The following CCDC33 variants were observed in gnomAD, a reference collection of about 807,000 sequenced individuals.
CCDC33 encodes coiled-coil domain containing 33, also known as coiled-coil domain-containing protein 33.
In CCDC33, 94 loss-of-function variants were observed where a neutral mutation model predicts 91.9. The observed-to-expected ratio is 1.02, with a 90% CI of 0.87 to 1.21. The LOEUF (loss-of-function observed/expected upper bound fraction) is 1.21, where lower values mean the gene tolerates loss of function less well. Ranked by LOEUF, CCDC33 falls within the 50% of genes most tolerant of loss-of-function variation. The pLI is 0.00. For missense variants in CCDC33, 940 were observed against 935.5 expected, an observed-to-expected ratio of 1.00 and a Z score of -0.06; for synonymous variants, 396 against 374.5, an observed-to-expected ratio of 1.06 and a Z score of -0.66.
chr15:74,280,214 C>A (rs1276992237), intron 8 of CCDC33, 122 bp downstream of exon 8: 5 of 1,236,330 alleles, frequency 4.0e-6, no homozygotes, highest in Non-Finnish European at 5.6e-6. Flanking sequence ...GGTGTCCAGG[C>A]GGCTTCCTAA....
intron 2 of CCDC33, among the ~76,000 whole-genome samples, chr15:74,257,341 G>A (rs931916214): frequency 1.3e-5 from 2 of 152,206 alleles, no homozygotes; most frequent in Non-Finnish European, 2.9e-5. Context: ...CACAGACTGG[G>A]GGCCTTGTCA....
intron 2 of CCDC33, among the ~76,000 whole-genome samples, chr15:74,246,091 T>C (rs2075520719): frequency 6.6e-6 from 1 of 152,162 alleles, no homozygotes; most frequent in South Asian, 2.1e-4. Context: ...AATAAACAAG[T>C]AACAAAGCAC....
chr15:74,273,319 A>ACCTG (rs2076370429), intron 7 of CCDC33, among the ~76,000 whole-genome samples: 1 of 152,232 alleles, frequency 6.6e-6, no homozygotes, highest in Non-Finnish European at 1.5e-5. Flanking sequence ...ATAAGTACCT[A>ACCTG]GTTTCCGTTT....
At chr15:74,203,382 A>C (rs1416496351) in intron 1 of CCDC33, among the ~76,000 whole-genome samples, 1 of 152,130 alleles carries the variant, frequency 6.6e-6, no homozygotes, top group Non-Finnish European at 1.5e-5. Flanking sequence ...GCCAGGGAGG[A>C]GGGCTCCTCC....
At position 74,280,809 on chromosome 15, in the gene CCDC33, C is replaced by T; in HGVS notation, c.1023+8C>T. 1.3e-6 allele frequency: 2 copies of T among 1,499,518 alleles called. No homozygotes were observed. The highest frequency in any genetic ancestry group is 2.2e-5 in the Admixed American group (1 of 45,316). 92.9% of individuals were successfully genotyped at this position (1,499,518 alleles called of 1,614,324 possible). A position where few individuals can be genotyped will look rare whatever the true frequency, so the allele number is the denominator to read the frequency against. ...GAGCGGCTCCCCATCATGGTGAGCC[C>T]CCTGCCCTGAACTGGGCCCCTAGCG... On this transcript the variant is annotated splice_region_variant and intron_variant, in intron 9 of 18. Transcript: ENST00000398814.
chr15:74,232,966 C>T (rs945516907), upstream of CCDC33, among the ~76,000 whole-genome samples: 9 of 152,226 alleles, frequency 5.9e-5, no homozygotes, highest in African/African-American at 1.9e-4. Flanking sequence ...CACTTGCCCT[C>T]TTCTCTATCC....
At chr15:74,229,114 T>C (rs2074892144) in intron 2 of CCDC33, among the ~76,000 whole-genome samples, 1 of 152,082 alleles carries the variant, frequency 6.6e-6, no homozygotes, top group African/African-American at 2.4e-5. Context: ...AGCACCTCAG[T>C]AAGGAGAGTG....
intron 2 of CCDC33, among the ~76,000 whole-genome samples, chr15:74,223,895 C>A (rs2142165400): frequency 6.6e-6 from 1 of 151,894 alleles, no homozygotes; most frequent in South Asian, 2.1e-4. Context: ...TAAACACGAT[C>A]ATGGGGGCTC....
At chr15:74,306,962 G>A (rs759771005) in intron 11 of CCDC33, among the ~76,000 whole-genome samples, 38 of 152,194 alleles carry the variant, frequency 2.5e-4, no homozygotes, top group Admixed American at 3.9e-4. Flanking sequence ...GGAGTGAGGA[G>A]CCTGGTCTTG....
intron 2 of CCDC33, chr15:74,221,216 G>GTTTTT (rs56039521): frequency 5.4e-4 from 363 of 676,214 alleles, no homozygotes; most frequent in South Asian, 8.1e-4. Context: ...TGTGGCACTG[G>GTTTTT]TTTTTTTTTT....
In CCDC33 at chr15:74,281,855, G is replaced by A. The variant is rs878961171; in HGVS notation, c.1095+6G>A. On this transcript the variant is annotated splice_donor_region_variant and intron_variant, in intron 10 of 18. Coordinates refer to ENST00000398814, the MANE Select transcript of CCDC33 (RefSeq NM_025055.5). ...TCCAGCTGCTTTCCTCTGAGGTAAGGCTGTGGGCCAGGGGAGGGTCAGGGC... is the reference window on the plus strand; with the variant it reads ...TCCAGCTGCTTTCCTCTGAGGTAAGACTGTGGGCCAGGGGAGGGTCAGGGC... 2.5e-6 allele frequency: 4 copies of A among 1,613,452 alleles called. No homozygotes were observed. Among genetic ancestry groups the A allele is most frequent in the East Asian group, 2.2e-5 (1 of 44,880 alleles).
chr15:74,335,978 G>C lies in CCDC33; in HGVS notation c.2193G>C (p.Leu731=). Residue 731 remains leucine (L), a synonymous_variant, in exon 19 of 19, where the codon CTG becomes CTC. Transcript: ENST00000398814. The part of the protein sequence containing the change: ...DLKQPSELEP[L]LPSSDSKLNK... ...AGCAGCCCTCAGAGCTGGAGCCCCT[G>C]CTGCCCAGCTCAGACTCTAAGCTCA... 6.2e-7 allele frequency: 1 copy of C among 1,613,940 alleles called. No individual in the cohort carries two copies. Among genetic ancestry groups the C allele is most frequent in the African/African-American group, 1.3e-5 (1 of 75,030 alleles).
intron 11 of CCDC33, among the ~76,000 whole-genome samples, chr15:74,321,652 C>G (rs961218003): frequency 2.0e-5 from 3 of 152,026 alleles, no homozygotes; most frequent in Admixed American, 1.3e-4. Context: ...CCGCCCCCCT[C>G]GGCTCCCAAA....
intron 11 of CCDC33, among the ~76,000 whole-genome samples, chr15:74,318,144 G>A (rs1187815880): frequency 1.3e-4 from 20 of 151,432 alleles, no homozygotes; most frequent in African/African-American, 4.8e-4. Context: ...GAGACTAAGG[G>A]GGAGGGGGAG....
chr15:74,298,857 C>T (rs1256837585), intron 11 of CCDC33, among the ~76,000 whole-genome samples: 1 of 151,946 alleles, frequency 6.6e-6, no homozygotes, highest in Non-Finnish European at 1.5e-5. Flanking sequence ...GGATTACAGG[C>T]GGGCGCCACC....
In CCDC33 at chr15:74,218,190, G is replaced by A. The variant is rs541480358; in HGVS notation, c.311-307G>A. On this transcript the variant is annotated intron_variant, in intron 1 of 2. Transcript: ENST00000635913. This position sits in a 1 kb window ranked among gnomAD's most constrained non-coding sequence, Gnocchi z 4.8. ...GACTTTAAATGGCTATAAATCAGGG[G>A]CAGGCTGAACTCTTCCCCAGTCTAG... Among the ~76,000 whole-genome samples the A allele has an allele frequency of 2.6e-5, 4 of 152,334 alleles. No homozygotes were observed. The East Asian group carries it at 7.7e-4, about 29-fold the overall frequency.
chr15:74,297,594 T>TA (rs1596060604), intron 11 of CCDC33, among the ~76,000 whole-genome samples: 1 of 152,322 alleles, frequency 6.6e-6, no homozygotes, highest in East Asian at 1.9e-4. Flanking sequence ...CTCAGGAACC[T>TA]GAGGCAGGAG....
Position 74,335,098 on chromosome 15 carries a change from C to T in CCDC33, c.2139+10C>T. 2 of 1,597,798 alleles carry T rather than the reference C, an allele frequency of 1.3e-6. No individual in the cohort carries two copies. Among genetic ancestry groups the T allele is most frequent in the Non-Finnish European group, 8.6e-7 (1 of 1,165,110 alleles). On this transcript the variant is annotated intron_variant, in intron 18 of 18. Transcript: ENST00000398814. Reference sequence around the variant, plus strand: ...CATCATAGAACAGCCTGTGAGTGACCCCCCTGGAGTAGCTCCCAGGGGTTC... The same window carrying T: ...CATCATAGAACAGCCTGTGAGTGACTCCCCTGGAGTAGCTCCCAGGGGTTC...
At chr15:74,210,825 TTGTGTTCTCAAAAAGAGA>T (rs1356396433) in intron 2 of CCDC33, among the ~76,000 whole-genome samples, 1 of 152,114 alleles carries the variant, frequency 6.6e-6, no homozygotes, top group African/African-American at 2.4e-5. Context: ...AATTCCCAGG[TTGTGTTCTCAAAAAGAGA>T]GGTGTTCTCT....
Sources: gnomAD v4.1 joint callset for allele counts (sites outside exome capture counted in the v4.1 genomes callset) on GRCh38, gnomAD v4.1.1 for gene constraint, Gnocchi (gnomAD v3.1) non-coding constraint, MANE v1.5 for transcripts, NCBI Gene and HGNC (gene_info 2026-07-23, HGNC 2026-07-21) for gene names.